Variants in CNTNAP2 observed in about 807,000 individuals in gnomAD.
CNTNAP2 encodes the protein contactin-associated protein-like 2.
CNTNAP2 carries 98 observed loss-of-function variants against 155.2 expected under a neutral mutation model. The observed-to-expected ratio is 0.63, with a 90% CI of 0.54 to 0.75. The LOEUF (loss-of-function observed/expected upper bound fraction) is 0.75, where lower values mean the gene tolerates loss of function less well. Among genes scored for constraint, CNTNAP2 ranks in the 30% least tolerant of loss-of-function variants. The pLI, the probability that CNTNAP2 is intolerant of heterozygous loss-of-function variation, is 0.00. For synonymous variants in CNTNAP2, 651 were observed against 631.2 expected (o/e 1.03, Z -0.47); for missense variants, 1,727 against 1,688.1 (o/e 1.02, Z -0.40).
intron 19 of CNTNAP2, among the ~76,000 whole-genome samples, chr7:148,220,626 T>C (rs927090176): frequency 3.1e-5 from 3 of 97,562 alleles, no homozygotes; most frequent in Admixed American, 1.4e-4. Flanking sequence ...ATAAAAAATA[T>C]AGGGATAGAA....
chr7:148,086,452 GA>G (rs1272782637), intron 15 of CNTNAP2, among the ~76,000 whole-genome samples: 3 of 152,030 alleles, frequency 2.0e-5, no homozygotes, highest in Admixed American at 2.0e-4. Context: ...GCATTTCATT[GA>G]AATAAAAATT....
chr7:147,469,914 T>C (rs1207191054), intron 10 of CNTNAP2, among the ~76,000 whole-genome samples: 1 of 152,040 alleles, frequency 6.6e-6, no homozygotes, highest in Non-Finnish European at 1.5e-5. Flanking sequence ...CCATGAAGTT[T>C]TGTGGGAGAA....
intron 8 of CNTNAP2, among the ~76,000 whole-genome samples, chr7:147,223,967 A>G (rs962656295): frequency 4.0e-5 from 6 of 151,764 alleles, no homozygotes; most frequent in Admixed American, 3.9e-4. Flanking sequence ...GAAAGAAAGA[A>G]AAAAGAAAAG....
chr7:146,483,996 G>A (rs1379802612), intron 1 of CNTNAP2, among the ~76,000 whole-genome samples: 2 of 152,120 alleles, frequency 1.3e-5, no homozygotes, highest in East Asian at 3.9e-4. Context: ...GCAACTTCTA[G>A]TCATGTAAGC....
intron 3 of CNTNAP2, among the ~76,000 whole-genome samples, chr7:146,959,713 CA>C (rs1176908836): frequency 0.36 from 32,308 of 90,332 alleles, 4,033 homozygotes; most frequent in East Asian, 0.58. Flanking sequence ...CAGCGAGTCT[CA>C]AAAAAAAAAA....
chr7:147,368,564 C>T (rs1162531892), intron 9 of CNTNAP2, among the ~76,000 whole-genome samples: 2 of 152,122 alleles, frequency 1.3e-5, no homozygotes, highest in African/African-American at 2.4e-5. Flanking sequence ...TGTCCTTTTC[C>T]TCTGCCCACG....
intron 4 of CNTNAP2, among the ~76,000 whole-genome samples, chr7:147,072,426 G>A (rs1340021420): frequency 6.6e-6 from 1 of 152,114 alleles, no homozygotes; most frequent in Non-Finnish European, 1.5e-5. Flanking sequence ...AGCATATCAT[G>A]ATCATGTCTG....
At chr7:147,012,287 G>T (rs1421152131) in intron 3 of CNTNAP2, among the ~76,000 whole-genome samples, 1 of 152,064 alleles carries the variant, frequency 6.6e-6, no homozygotes, top group East Asian at 1.9e-4. Flanking sequence ...GTTTGTCATG[G>T]TTATATAAGA....
intron 1 of CNTNAP2, among the ~76,000 whole-genome samples, chr7:146,752,631 T>G (rs12386661): frequency 0.4 from 60,582 of 151,948 alleles, 13,786 homozygotes; most frequent in African/African-American, 0.63. Flanking sequence ...AATTAGATCC[T>G]ATTTATCAAT....
At chr7:146,214,061 T>C (rs1459466970) in intron 1 of CNTNAP2, among the ~76,000 whole-genome samples, 1 of 152,216 alleles carries the variant, frequency 6.6e-6, no homozygotes, top group African/African-American at 2.4e-5. Flanking sequence ...ACCTCAAGGC[T>C]ACATTTGCAA....
intron 1 of CNTNAP2, among the ~76,000 whole-genome samples, chr7:146,509,109 C>T (rs946197103): frequency 6.6e-6 from 1 of 152,212 alleles, no homozygotes; most frequent in Admixed American, 6.5e-5. Context: ...AGGTGTTCAT[C>T]ATCTGGCCCT....
intron 15 of CNTNAP2, among the ~76,000 whole-genome samples, chr7:148,074,448 T>C (rs1177382044): frequency 6.6e-6 from 1 of 152,194 alleles, no homozygotes; most frequent in African/African-American, 2.4e-5. Flanking sequence ...CCCAGCACTT[T>C]GGGAGGCCGA....
At chr7:146,309,400 A>C (rs558427581) in intron 1 of CNTNAP2, among the ~76,000 whole-genome samples, 4 of 152,186 alleles carry the variant, frequency 2.6e-5, no homozygotes, top group Non-Finnish European at 5.9e-5. Flanking sequence ...TCTCATCTGC[A>C]GTAAGGCATC....
chr7:148,334,797 G>T (rs1266054772), intron 21 of CNTNAP2, among the ~76,000 whole-genome samples: 1 of 152,196 alleles, frequency 6.6e-6, no homozygotes, highest in Non-Finnish European at 1.5e-5. Flanking sequence ...CCTGCCTGGG[G>T]GAACTCCAGC....
intron 3 of CNTNAP2, among the ~76,000 whole-genome samples, chr7:146,900,605 T>C (rs1795973420): frequency 6.6e-6 from 1 of 152,124 alleles, no homozygotes; most frequent in South Asian, 2.1e-4. Context: ...CTATTCCCAC[T>C]TCATCATCCA....
chr7:148,136,005 A>G (rs1172727511), intron 16 of CNTNAP2, among the ~76,000 whole-genome samples: 1 of 46,032 alleles, frequency 2.2e-5, no homozygotes. Context: ...GGAAGGAAGG[A>G]AGGAAGGAAG....
chr7:147,645,710 T>G (rs1795355571), intron 13 of CNTNAP2, among the ~76,000 whole-genome samples: 1 of 152,144 alleles, frequency 6.6e-6, no homozygotes, highest in African/African-American at 2.4e-5. Context: ...TATTTTTTAG[T>G]TTTGCCTGTG....
intron 4 of CNTNAP2, among the ~76,000 whole-genome samples, chr7:147,086,397 CTTTCTT>C (rs147450608): frequency 0.051 from 7,681 of 151,816 alleles, 484 homozygotes; most frequent in African/African-American, 0.15. Context: ...ATATGTTTCT[CTTTCTT>C]TTTCTTTTCA....
At chr7:147,742,237 G>A (rs889221903) in intron 13 of CNTNAP2, among the ~76,000 whole-genome samples, 1 of 152,202 alleles carries the variant, frequency 6.6e-6, no homozygotes. Flanking sequence ...AACCGTATAA[G>A]GTTCATCTTT....
Sources: gnomAD v4.1 joint callset for allele counts (sites outside exome capture counted in the v4.1 genomes callset) on GRCh38, gnomAD v4.1.1 for gene constraint, MANE v1.5 for transcripts, NCBI Gene and HGNC (gene_info 2026-07-23, HGNC 2026-07-21) for gene names.